Variants in EMC8 observed in about 807,000 individuals in gnomAD.
EMC8 encodes COX4 neighbor.
EMC8 carries 11 observed loss-of-function variants against 24.3 expected under a neutral mutation model. That is an observed-to-expected ratio of 0.45 (90% CI 0.28 to 0.75). EMC8 has a LOEUF of 0.75. Among genes scored for constraint, EMC8 ranks in the 30% least tolerant of loss-of-function variants. EMC8 has a pLI of 0.12. For missense variants in EMC8, 277 were observed against 282.7 expected (o/e 0.98, Z 0.14); for synonymous variants, 145 against 117.7 (o/e 1.23, Z -1.50).
At chr16:85,787,759 T>G (rs1461839421) in intron 2 of EMC8, 2 of 152,196 alleles carry the variant, frequency 1.3e-5, no homozygotes, top group Non-Finnish European at 1.5e-5. Flanking sequence ...CGGACTGACT[T>G]TGAGTGCAGC....
At chr16:85,780,266 T>C in intron 4 of EMC8, 113 bp downstream of exon 4, 1 of 760,410 alleles carries the variant, frequency 1.3e-6, no homozygotes, top group East Asian at 2.6e-5. Context: ...ATATGCTTGG[T>C]ATCATGCTTC....
At chr16:85,797,090 T>C (rs1203403465) in intron 1 of EMC8, among the ~76,000 whole-genome samples, 2 of 152,204 alleles carry the variant, frequency 1.3e-5, no homozygotes, top group African/African-American at 4.8e-5. Flanking sequence ...GATCCAATAA[T>C]TCTCTTGACA....
chr16:85,798,035 A>G (rs146927270), intron 1 of EMC8, among the ~76,000 whole-genome samples: 108 of 152,168 alleles, frequency 7.1e-4, no homozygotes, highest in African/African-American at 2.5e-3. Context: ...GTACTTCAAT[A>G]AAGCTGTCAT....
intron 1 of EMC8, among the ~76,000 whole-genome samples, chr16:85,797,538 A>G (rs1453687434): frequency 6.6e-6 from 1 of 152,280 alleles, no homozygotes; most frequent in African/African-American, 2.4e-5. Context: ...TCATCTAAGT[A>G]TTATAATCAT....
At chr16:85,798,458 C>G (rs1026238410) in intron 1 of EMC8, among the ~76,000 whole-genome samples, 7 of 152,234 alleles carry the variant, frequency 4.6e-5, no homozygotes, top group African/African-American at 1.7e-4. Context: ...GCCATGGAAA[C>G]ATTCTAGATA....
rs960093217 is a variant in EMC8 at position 85,781,366 on chromosome 16, C to G, written c.309-86G>C. 7.0e-6 allele frequency: 6 copies of G among 862,888 alleles called. No homozygotes were observed. The African/African-American group carries it at 9.9e-5, about 14-fold the overall frequency. 53.5% of individuals were successfully genotyped at this position (862,888 alleles called of 1,614,324 possible). On this transcript the variant is annotated intron_variant, in intron 2 of 4. Transcript: ENST00000253457. ...CACAGTCAACACCACTGAGACTTAA[C>G]AAGCAATGACAGAAAGACTGGCAGA...
chr16:85,790,519 T>A (rs1904954823), intron 1 of EMC8, among the ~76,000 whole-genome samples: 1 of 152,218 alleles, frequency 6.6e-6, no homozygotes, highest in East Asian at 1.9e-4. Context: ...CACCTCTTAA[T>A]GGAACAGATT....
chr16:85,783,848 C>A (rs558468719), intron 2 of EMC8, among the ~76,000 whole-genome samples: 1 of 152,270 alleles, frequency 6.6e-6, no homozygotes, highest in Admixed American at 6.5e-5. Context: ...CTGGATGAGA[C>A]CCCCTGCCCT....
intron 1 of EMC8, among the ~76,000 whole-genome samples, chr16:85,790,408 C>T (rs1047375830): frequency 6.6e-6 from 1 of 152,134 alleles, no homozygotes; most frequent in African/African-American, 2.4e-5. Flanking sequence ...TCTGGTCATC[C>T]ACCCAAAAGA....
chr16:85,797,625 G>A (rs1321182560), intron 1 of EMC8, among the ~76,000 whole-genome samples: 1 of 152,190 alleles, frequency 6.6e-6, no homozygotes, highest in South Asian at 2.1e-4. Context: ...CTTACGCCAG[G>A]ACTCTTTGCC....
At chr16:85,794,799 A>G (rs897071272) in intron 1 of EMC8, among the ~76,000 whole-genome samples, 67 of 145,714 alleles carry the variant, frequency 4.6e-4, no homozygotes, top group Non-Finnish European at 9.3e-4. Context: ...CTGGATGGGG[A>G]CTCATGTGGT....
intron 4 of EMC8, chr16:85,780,167 C>T (rs995099662): frequency 9.9e-6 from 6 of 603,916 alleles, no homozygotes; most frequent in East Asian, 2.8e-5. Flanking sequence ...TGTGCTCTAG[C>T]GCCTGGGGTG....
intron 3 of EMC8, 90 bp from the exon 4 acceptor site, chr16:85,780,563 GC>G: frequency 2.3e-6 from 2 of 858,500 alleles, no homozygotes; most frequent in Non-Finnish European, 3.8e-6. Flanking sequence ...CTGCAGCCGT[GC>G]CCACGCTGGC....
intron 1 of EMC8, among the ~76,000 whole-genome samples, chr16:85,794,854 C>A (rs2152076784): frequency 6.6e-6 from 1 of 152,242 alleles, no homozygotes; most frequent in African/African-American, 2.4e-5. Context: ...CAGACTGTAA[C>A]TAGGAATGAG....
At chr16:85,787,291 G>A (rs1196261781) in intron 2 of EMC8, among the ~76,000 whole-genome samples, 3 of 152,086 alleles carry the variant, frequency 2.0e-5, no homozygotes, top group South Asian at 2.1e-4. Context: ...GCTCACTCTC[G>A]AGGGCCTGGT....
chr16:85,788,272 G>C (rs1476735547), intron 2 of EMC8, among the ~76,000 whole-genome samples: 3 of 152,268 alleles, frequency 2.0e-5, no homozygotes, highest in African/African-American at 4.8e-5. Flanking sequence ...AGGTGGACTT[G>C]TTTACCCAGC....
chr16:85,793,820 AT>A (rs1432496675), intron 1 of EMC8, among the ~76,000 whole-genome samples: 1 of 152,216 alleles, frequency 6.6e-6, no homozygotes, highest in African/African-American at 2.4e-5. Flanking sequence ...CCATACTAAC[AT>A]TTTATGGGTT....
rs762688328 is a variant in EMC8, at chr16:85,780,359, G to A, written c.473+20C>T. On this transcript the variant is annotated intron_variant, in intron 4 of 4. Coordinates refer to ENST00000253457, the MANE Select transcript of EMC8 (RefSeq NM_006067.5). ...GCGCTGAAGGAGCCCAGCCCGCGCG[G>A]CAGCATGGGGCGCACTCACTGGTGT... is the stretch of plus-strand genomic sequence containing the variant. The A allele has an allele frequency of 2.3e-5, 37 of 1,600,094 alleles. No individual in the cohort carries two copies. Among genetic ancestry groups the A allele is most frequent in the Non-Finnish European group, 3.2e-5 (37 of 1,167,566 alleles).
chr16:85,791,977 C>T (rs1905032396), intron 1 of EMC8, among the ~76,000 whole-genome samples: 3 of 152,166 alleles, frequency 2.0e-5, no homozygotes, highest in Admixed American at 2.0e-4. Context: ...GCTGACCATA[C>T]CATACAACAT....
Sources: allele counts gnomAD v4.1 joint callset (sites outside exome capture counted in the v4.1 genomes callset), GRCh38; gene constraint gnomAD v4.1.1; transcripts MANE v1.5; gene names NCBI Gene and HGNC (gene_info 2026-07-23, HGNC 2026-07-21).